The following ERC2 variants were observed in gnomAD, a reference collection of about 807,000 sequenced individuals.
ERC2 encodes ELKS/RAB6-interacting/CAST family member 2, also known as ERC protein 2.
ERC2 carries 42 observed loss-of-function variants against 114.8 expected under a neutral mutation model. The ratio of observed to expected loss-of-function variants is 0.37; its 90% CI spans 0.29 to 0.47. ERC2 has a LOEUF of 0.47. Ranked by LOEUF, ERC2 falls within the 20% of genes least tolerant of loss-of-function variation. The pLI, the probability that ERC2 is intolerant of heterozygous loss-of-function variation, is 0.99. For missense variants in ERC2, 939 were observed against 1,150.7 expected (o/e 0.82, Z 2.66); for synonymous variants, 454 against 425.5 (o/e 1.07, Z -0.82).
intron 13 of ERC2, among the ~76,000 whole-genome samples, chr3:55,933,530 G>A (rs1041426315): frequency 2.6e-5 from 4 of 152,180 alleles, no homozygotes; most frequent in African/African-American, 9.7e-5. Context: ...TGTTTAGCTT[G>A]GTTTTGTGGC....
chr3:56,416,399 A>G (rs74570334), intron 2 of ERC2, among the ~76,000 whole-genome samples: 2 of 152,130 alleles, frequency 1.3e-5, no homozygotes, highest in East Asian at 3.9e-4. Context: ...ATGGTCAACT[A>G]TGTCACACAA....
At chr3:56,086,159 T>C (rs531559113) in intron 6 of ERC2, among the ~76,000 whole-genome samples, 1 of 152,242 alleles carries the variant, frequency 6.6e-6, no homozygotes, top group African/African-American at 2.4e-5. Flanking sequence ...CTTTAAGGCT[T>C]AACATTTATA....
chr3:55,564,571 T>A (rs2056242570), intron 17 of ERC2, among the ~76,000 whole-genome samples: 1 of 152,222 alleles, frequency 6.6e-6, no homozygotes, highest in South Asian at 2.1e-4. Flanking sequence ...ACACCGTCCT[T>A]CTTAGTTATA....
At chr3:55,674,891 A>G (rs7632774) in intron 17 of ERC2, among the ~76,000 whole-genome samples, 11,355 of 152,258 alleles carry the variant, frequency 0.075, 1,436 homozygotes, top group African/African-American at 0.26. Context: ...TAAGGTGCAC[A>G]GCAGAAGGGC....
chr3:55,628,078 G>A (rs184166818), intron 17 of ERC2, among the ~76,000 whole-genome samples: 1 of 151,892 alleles, frequency 6.6e-6, no homozygotes, highest in African/African-American at 2.4e-5. Flanking sequence ...ATCTTTTATT[G>A]TAAAAAGTCT....
chr3:55,967,410 T>C (rs1397840244), intron 12 of ERC2, among the ~76,000 whole-genome samples: 1 of 152,216 alleles, frequency 6.6e-6, no homozygotes, highest in Non-Finnish European at 1.5e-5. Flanking sequence ...TTCCTGATGA[T>C]AGGGTCTCAA....
intron 14 of ERC2, among the ~76,000 whole-genome samples, chr3:55,805,069 TGAAGCAATGGAG>T (rs1023544984): frequency 6.6e-6 from 1 of 152,020 alleles, no homozygotes; most frequent in African/African-American, 2.4e-5. Context: ...ACTTTATAGG[TGAAGCAATGGAG>T]GAAGGAAGAC....
chr3:56,357,223 A>T (rs893217978), intron 2 of ERC2, among the ~76,000 whole-genome samples: 2 of 152,340 alleles, frequency 1.3e-5, no homozygotes, highest in African/African-American at 4.8e-5. Flanking sequence ...CCCAGTGCAC[A>T]CAGCTCTGGA....
chr3:56,186,114 T>TAAAAAAAAAAAAA (rs201544979), intron 3 of ERC2, among the ~76,000 whole-genome samples: 5 of 102,544 alleles, frequency 4.9e-5, no homozygotes, highest in Admixed American at 2.1e-4. Flanking sequence ...TCAAGAACCT[T>TAAAAAAAAAAAAA]AAAAAAAAAA....
chr3:56,072,222 TC>T, intron 7 of ERC2: 1 of 156,668 alleles, frequency 6.4e-6, no homozygotes. Context: ...TGTGTGTCCC[TC>T]CCAAAGCTAC....
At chr3:55,842,221 C>T (rs530713507) in intron 14 of ERC2, among the ~76,000 whole-genome samples, 1 of 152,246 alleles carries the variant, frequency 6.6e-6, no homozygotes, top group East Asian at 1.9e-4. Flanking sequence ...TTGGCTAATT[C>T]CAGAGCTAGA....
At chr3:55,719,208 G>A (rs1470907501) in intron 15 of ERC2, among the ~76,000 whole-genome samples, 3 of 152,224 alleles carry the variant, frequency 2.0e-5, no homozygotes, top group Admixed American at 1.3e-4. Flanking sequence ...CATTCCAGCC[G>A]TGACATAGGA....
chr3:55,615,839 T>G (rs1450831157), intron 17 of ERC2, among the ~76,000 whole-genome samples: 1 of 152,196 alleles, frequency 6.6e-6, no homozygotes, highest in Non-Finnish European at 1.5e-5. Context: ...AAAGACCTGC[T>G]GACTGCCTGC....
intron 1 of ERC2, among the ~76,000 whole-genome samples, chr3:56,462,803 G>A (rs1205445792): frequency 1.3e-5 from 2 of 152,164 alleles, no homozygotes; most frequent in Non-Finnish European, 2.9e-5. Flanking sequence ...AATAAGTAGT[G>A]GCTTACAAGT....
chr3:56,439,663 G>A (rs929496239), intron 1 of ERC2, among the ~76,000 whole-genome samples: 3 of 151,562 alleles, frequency 2.0e-5, no homozygotes, highest in Non-Finnish European at 4.4e-5. Flanking sequence ...TATAGCTTTT[G>A]GTTTTATTAA....
intron 2 of ERC2, among the ~76,000 whole-genome samples, chr3:56,396,958 C>A (rs1256582064): frequency 6.6e-6 from 1 of 152,078 alleles, no homozygotes; most frequent in Non-Finnish European, 1.5e-5. Flanking sequence ...TAACGACTCC[C>A]TACCTCAAGC....
intron 2 of ERC2, among the ~76,000 whole-genome samples, chr3:56,329,995 T>C (rs1210600226): frequency 5.3e-5 from 8 of 151,642 alleles, no homozygotes; most frequent in African/African-American, 7.3e-5. Context: ...TACATATATA[T>C]TTCCAATAAA....
intron 2 of ERC2, among the ~76,000 whole-genome samples, chr3:56,341,875 G>A (rs544507845): frequency 8.5e-5 from 13 of 152,254 alleles, no homozygotes; most frequent in African/African-American, 3.1e-4. Flanking sequence ...TGCAGGATTC[G>A]AGATCTCAGG....
chr3:55,931,667 G>C (rs544118107), intron 13 of ERC2, among the ~76,000 whole-genome samples: 1 of 151,980 alleles, frequency 6.6e-6, no homozygotes, highest in Non-Finnish European at 1.5e-5. Flanking sequence ...TGGGTTGATG[G>C]GTGCAGCAAA....
Sources: gnomAD v4.1 joint callset for allele counts (sites outside exome capture counted in the v4.1 genomes callset) on GRCh38, gnomAD v4.1.1 for gene constraint, MANE v1.5 for transcripts, NCBI Gene and HGNC (gene_info 2026-07-23, HGNC 2026-07-21) for gene names.